ADAMTS10: variants seen among roughly 807,000 people sequenced by gnomAD.
ADAMTS10 encodes ADAM metallopeptidase with thrombospondin type 1 motif 10.
Under a neutral mutation model 135.9 loss-of-function variants are expected in ADAMTS10, and 48 were observed. The observed-to-expected ratio is 0.35, with a 90% CI of 0.28 to 0.45. The LOEUF (loss-of-function observed/expected upper bound fraction) is 0.45, where lower values mean the gene tolerates loss of function less well. ADAMTS10 is among the 20% of genes least tolerant of loss of function. The probability of loss-of-function intolerance (pLI) is 1.00; values close to 1 mark genes in which losing one functional copy is unlikely to be tolerated. For missense variants in ADAMTS10, 1,131 were observed against 1,565.2 expected (o/e 0.72, Z 4.68); for synonymous variants, 621 against 647.5 (o/e 0.96, Z 0.62).
chr19:8,595,698 T>TGCCACCC, intron 12 of ADAMTS10, 64 bp downstream of exon 12: 1 of 1,291,948 alleles, frequency 7.7e-7, no homozygotes, highest in African/African-American at 1.5e-5. Context: ...CTGGTGGAGT[T>TGCCACCC]CCCTCCCCCA....
At chr19:8,600,887 A>G in intron 6 of ADAMTS10, 41 bp downstream of exon 6, 1 of 1,611,842 alleles carries the variant, frequency 6.2e-7, no homozygotes, top group Non-Finnish European at 8.5e-7. Context: ...GCTGGCTCCA[A>G]GTCCTCAGGG....
Position 8,596,264 on chromosome 19 carries a change from C to A in ADAMTS10, c.1190+43G>T, listed in dbSNP as rs782138789. Reference sequence around the variant, plus strand: ...CTCTGCCGGGCGCTGAGGGACCCGCCCAGCTCCTCCCCTCCTCCCCCTCTT... The same window carrying A: ...CTCTGCCGGGCGCTGAGGGACCCGCACAGCTCCTCCCCTCCTCCCCCTCTT... On this transcript the variant is annotated intron_variant, in intron 10 of 25. Coordinates refer to ENST00000597188, the MANE Select transcript of ADAMTS10 (RefSeq NM_030957.4). The surrounding 1 kb of genome is among the most constrained non-coding windows in gnomAD (Gnocchi z 7.2). 6.2e-7 allele frequency: 1 copy of A among 1,612,854 alleles called. No homozygotes were observed. Among genetic ancestry groups the A allele is most frequent in the South Asian group, 1.1e-5 (1 of 91,082 alleles).
At position 8,584,878 on chromosome 19, in the gene ADAMTS10, G is replaced by T; in HGVS notation, c.3202+17C>A. 1 of 1,548,670 alleles carries T rather than the reference G, an allele frequency of 6.5e-7. No individual in the cohort carries two copies. Among genetic ancestry groups the T allele is most frequent in the South Asian group, 1.2e-5 (1 of 84,002 alleles). ...GCCAGGACCCTCCTGGCGCACCCTG[G>T]CTGGTCACCCACATACCTTCAGGGC... On this transcript the variant is annotated intron_variant, in intron 25 of 25. Transcript: ENST00000597188.
intron 6 of ADAMTS10, among the ~76,000 whole-genome samples, chr19:8,599,584 G>A (rs1021358611): frequency 1.3e-5 from 2 of 151,922 alleles, no homozygotes; most frequent in African/African-American, 4.8e-5. Flanking sequence ...ACCCACCTTG[G>A]CCTCCCAAAG....
At chr19:8,598,308 C>T (rs985081094) in intron 6 of ADAMTS10, among the ~76,000 whole-genome samples, 1 of 152,004 alleles carries the variant, frequency 6.6e-6, no homozygotes, top group South Asian at 2.1e-4. Flanking sequence ...GCTTACCCCC[C>T]TGACTGCCTC....
rs541820637 is a variant in ADAMTS10 at position 8,592,579 on chromosome 19, G to A, written c.1587+184C>T. On this transcript the variant is annotated intron_variant, in intron 13 of 25. Transcript: ENST00000597188. ...CAGAACCAAGGGACGCATAGACGGT[G>A]GGCGTGGCCAACGCGGGAAGGAGCA... is the stretch of plus-strand genomic sequence containing the variant. Among the ~76,000 whole-genome samples the A allele has an allele frequency of 4.4e-4, 67 of 151,436 alleles. No individual in the cohort carries two copies. The Middle Eastern group carries it at 0.01, about 23-fold the overall frequency.
At chr19:8,604,734 C>T (rs2042701299) in intron 4 of ADAMTS10, among the ~76,000 whole-genome samples, 1 of 151,974 alleles carries the variant, frequency 6.6e-6, no homozygotes, top group African/African-American at 2.4e-5. Context: ...GATCTGCCCG[C>T]CTCACCCTCC....
At position 8,591,785 on chromosome 19, in the gene ADAMTS10, T is replaced by C. The variant is rs1555738966; in HGVS notation, c.1797+15A>G. Reference sequence around the variant, plus strand: ...CTTCCTCCCCCCACCCCTCAAGGGGTTTGGGGGAACTCACATCCGTGTTGC... The same window carrying C: ...CTTCCTCCCCCCACCCCTCAAGGGGCTTGGGGGAACTCACATCCGTGTTGC... On this transcript the variant is annotated intron_variant, in intron 15 of 25. Transcript: ENST00000597188. 2 of 1,612,588 alleles carry C rather than the reference T, an allele frequency of 1.2e-6. No individual in the cohort carries two copies. The highest frequency in any genetic ancestry group is 2.2e-5 in the East Asian group (1 of 44,866).
At chr19:8,587,235 C>T (rs4524062) in intron 18 of ADAMTS10, among the ~76,000 whole-genome samples, 101,490 of 150,552 alleles carry the variant, frequency 0.67, 34,929 homozygotes, top group East Asian at 0.84. Flanking sequence ...TGGCTTGCTA[C>T]AGCCTCAGAC....
Position 8,586,345 on chromosome 19 carries a change from G to A in ADAMTS10, c.2529C>T (p.Gly843=), listed in dbSNP as rs2042429860. The A allele has an allele frequency of 1.9e-6, 3 of 1,613,668 alleles. No individual in the cohort carries two copies. Among genetic ancestry groups the A allele is most frequent in the Non-Finnish European group, 2.5e-6 (3 of 1,179,918 alleles). Reference sequence around the variant, plus strand: ...GCCTTCCCCCACCCCCGGCCTCACCGCCTGCACACTGGGCCGAGCACTTGG... The same window carrying A: ...GCCTTCCCCCACCCCCGGCCTCACCACCTGCACACTGGGCCGAGCACTTGG... ...PWTKCSAQCA[G]GSQVQAVECR... is the part of the protein sequence containing the mutation. The change falls in exon 21 of 26, where the codon GGC becomes GGT. Residue 843 remains glycine (G), a splice_region_variant and synonymous_variant. Transcript: ENST00000597188.
At position 8,601,282 on chromosome 19, in the gene ADAMTS10, G is replaced by T; in HGVS notation, c.593-137C>A. The stretch of plus-strand genomic sequence containing the variant: ...ACAGACAATTTCTGGTCATTCTGCT[G>T]CCTTCTCTTGTTGTCCAGCTACCTG... On this transcript the variant is annotated intron_variant, in intron 5 of 25. Coordinates refer to ENST00000597188, the MANE Select transcript of ADAMTS10 (RefSeq NM_030957.4). This position sits in a 1 kb window ranked among gnomAD's most constrained non-coding sequence, Gnocchi z 4.6. The T allele has an allele frequency of 1.0e-6, 1 of 964,770 alleles. No homozygotes were observed. The highest frequency in any genetic ancestry group is 1.6e-6 in the Non-Finnish European group (1 of 629,646). The allele number at this position is 964,770 out of a possible 1,614,324, so 59.8% of individuals were successfully genotyped here.
In ADAMTS10 at chr19:8,605,183, C is replaced by A; in HGVS notation, c.264G>T (p.Leu88=). The A allele has an allele frequency of 6.2e-7, 1 of 1,614,050 alleles. No individual in the cohort carries two copies. The highest frequency in any genetic ancestry group is 8.5e-7 in the Non-Finnish European group (1 of 1,179,948). The change falls in exon 4 of 26, where the codon CTG becomes CTT. Residue 88 remains leucine (L), a synonymous_variant. Coordinates refer to ENST00000597188, the MANE Select transcript of ADAMTS10 (RefSeq NM_030957.4). This position sits in a 1 kb window ranked among gnomAD's most constrained non-coding sequence, Gnocchi z 7.7. The part of the protein sequence containing the change: ...YKVASPSTHF[L]LNLTRSSRLL... ...GACGGGAGCTGCGGGTCAGGTTCAG[C>A]AGGAAGTGGGTGCTGGGCGAGGCCA...
chr19:8,604,454 T>C (rs2042698450), intron 4 of ADAMTS10, among the ~76,000 whole-genome samples: 1 of 147,696 alleles, frequency 6.8e-6, no homozygotes, highest in East Asian at 1.9e-4. Context: ...TATAATTATA[T>C]ATTATATATA....
chr19:8,607,101 AG>A (rs1227286490), intron 2 of ADAMTS10, among the ~76,000 whole-genome samples: 1 of 151,982 alleles, frequency 6.6e-6, no homozygotes, highest in Non-Finnish European at 1.5e-5. Flanking sequence ...AGGCACTTGA[AG>A]GGGGGGCTGG....
At chr19:8,597,171 C>T (rs1321293619) in intron 7 of ADAMTS10, 39 bp from the exon 8 acceptor site, 3 of 1,613,986 alleles carry the variant, frequency 1.9e-6, no homozygotes, top group Non-Finnish European at 2.5e-6. Flanking sequence ...GCACCCACCA[C>T]CCAGGGGACG....
chr19:8,584,911 G>T lies in ADAMTS10; in HGVS notation c.3186C>A (p.Pro1062=). The part of the protein sequence containing the change: ...QCEAKCDSPT[P]GDGPEECKDV... ...CCCACATACCTTCAGGGCCGTCCCC[G>T]GGGGTTGGGCTGTCGCACTTGGCCT... Residue 1062 remains proline (P), a synonymous_variant, in exon 25 of 26, where the codon CCC becomes CCA. Transcript: ENST00000597188. 1 of 1,548,912 alleles carries T rather than the reference G, an allele frequency of 6.5e-7. No individual in the cohort carries two copies. The highest frequency in any genetic ancestry group is 8.7e-7 in the Non-Finnish European group (1 of 1,146,474).
In ADAMTS10 at chr19:8,589,462, C is replaced by T; in HGVS notation, c.2024G>A (p.Gly675Asp). The stretch of plus-strand genomic sequence containing the variant: ...GGGAGTCCCCTCCACCTTGCATTCG[C>T]CACTGACGCAAATGTCCACCGTGTC... The part of the protein sequence containing the change: ...RPDTVDICVS[G>D]ECKHVGCDRV... The change falls in exon 17 of 26, where the codon GGC becomes GAC. Residue 675 changes from glycine to aspartate, a missense_variant. This residue lies in a region of ADAMTS10 where 745 missense variants were observed against 1,056.3 expected (regional missense o/e 0.71). Transcript: ENST00000597188. 1 of 1,613,438 alleles carries T rather than the reference C, an allele frequency of 6.2e-7. No homozygotes were observed. The highest frequency in any genetic ancestry group is 8.5e-7 in the Non-Finnish European group (1 of 1,179,864).
Position 8,580,654 on chromosome 19 carries a change from A to C in ADAMTS10, c.*239T>G. The C allele has an allele frequency of 2.0e-6, 1 of 506,572 alleles. No homozygotes were observed. Among genetic ancestry groups the C allele is most frequent in the Non-Finnish European group, 3.6e-6 (1 of 277,730 alleles). The allele number at this position is 506,572 out of a possible 1,614,324, so 31.4% of individuals were successfully genotyped here. A position where few individuals can be genotyped will look rare whatever the true frequency, so the allele number is the denominator to read the frequency against. ...TGTCCCCTCCCCAGACCCACCCTGGAGGGGGGGTCTCACTATGTGAACTGG... is the reference window on the plus strand; with the variant it reads ...TGTCCCCTCCCCAGACCCACCCTGGCGGGGGGGTCTCACTATGTGAACTGG... On this transcript the variant is annotated 3_prime_UTR_variant, in exon 26 of 26. Coordinates refer to ENST00000597188, the MANE Select transcript of ADAMTS10 (RefSeq NM_030957.4).
At chr19:8,584,116 C>G (rs1555736303) in intron 25 of ADAMTS10, among the ~76,000 whole-genome samples, 3 of 129,078 alleles carry the variant, frequency 2.3e-5, no homozygotes, top group Non-Finnish European at 4.6e-5. Context: ...GAGATCAGGT[C>G]ACTGCACTCC....
Sources: allele counts gnomAD v4.1 joint callset (sites outside exome capture counted in the v4.1 genomes callset), GRCh38; gene constraint gnomAD v4.1.1; regional missense constraint gnomAD v4.1.1; non-coding constraint Gnocchi (gnomAD v3.1); transcripts MANE v1.5; gene names NCBI Gene and HGNC (gene_info 2026-07-23, HGNC 2026-07-21).